The following CLSTN1 variants were observed in gnomAD, a reference collection of about 807,000 sequenced individuals.
CLSTN1 encodes calsyntenin 1.
In CLSTN1, 28 loss-of-function variants were observed where a neutral mutation model predicts 108.3. The observed-to-expected ratio is 0.26, with a 90% CI of 0.19 to 0.35. The LOEUF (loss-of-function observed/expected upper bound fraction) is 0.35, where lower values mean the gene tolerates loss of function less well. CLSTN1 is among the 10% of genes least tolerant of loss of function. The probability of loss-of-function intolerance (pLI) is 1.00; values close to 1 mark genes in which losing one functional copy is unlikely to be tolerated. For missense variants in CLSTN1, 1,157 were observed against 1,302.6 expected (o/e 0.89, Z 1.72); for synonymous variants, 524 against 534.9 (o/e 0.98, Z 0.28).
intron 10 of CLSTN1, among the ~76,000 whole-genome samples, chr1:9,740,676 A>G (rs1650934868): frequency 6.6e-6 from 1 of 152,128 alleles, no homozygotes; most frequent in Admixed American, 6.5e-5. Flanking sequence ...CAAGTGATAA[A>G]CACTCTGGAA....
In CLSTN1 at chr1:9,734,580, A is replaced by G. The variant is rs1460356025; in HGVS notation, c.2110+368T>C. On this transcript the variant is annotated intron_variant, in intron 14 of 18. Transcript: ENST00000377298. This position sits in a 1 kb window ranked among gnomAD's most constrained non-coding sequence, Gnocchi z 4.8. ...ACAGAGTGAGACTCCATCTCAAAAA[A>G]AAAAAAAAAGGGGGGGAGTTTCATG... is the stretch of plus-strand genomic sequence containing the variant. Among the ~76,000 whole-genome samples the G allele has an allele frequency of 6.6e-6, 1 of 151,848 alleles. No individual in the cohort carries two copies. The highest frequency in any genetic ancestry group is 1.5e-5 in the Non-Finnish European group (1 of 67,970).
intron 7 of CLSTN1, among the ~76,000 whole-genome samples, chr1:9,747,126 G>C (rs139615844): frequency 7.1e-6 from 1 of 140,732 alleles, no homozygotes; most frequent in East Asian, 2.3e-4. Flanking sequence ...GTTGCAGTGA[G>C]TGAGATTGCG....
rs1650408270 is a variant in CLSTN1, at chr1:9,731,747, T to G, written c.2563+14A>C. ...ATGGAGCATCTCCGCTTGGTCTCCC[T>G]CCCCATGTCCTACCTGCGAACGGGT... On this transcript the variant is annotated intron_variant, in intron 17 of 18. Coordinates refer to ENST00000377298, the MANE Select transcript of CLSTN1 (RefSeq NM_001009566.3). The G allele has an allele frequency of 6.2e-7, 1 of 1,613,938 alleles. No individual in the cohort carries two copies. Among genetic ancestry groups the G allele is most frequent in the Non-Finnish European group, 8.5e-7 (1 of 1,179,980 alleles).
intron 1 of CLSTN1, among the ~76,000 whole-genome samples, chr1:9,808,198 G>A (rs551868190): frequency 6.6e-5 from 10 of 152,282 alleles, no homozygotes; most frequent in Non-Finnish European, 1.0e-4. Flanking sequence ...TCCCATATGC[G>A]GGTGTCACAG....
rs1339046016 is a variant in CLSTN1 at position 9,795,916 on chromosome 1, C to G, written c.92-22522G>C. ...GCTGCAGTGAGCGATGATCACACTA[C>G]TGCACTCCAGCGTGAGCAACAGAAC... On this transcript the variant is annotated intron_variant, in intron 1 of 18. Transcript: ENST00000377298. Among the ~76,000 whole-genome samples, 3 of 149,342 alleles carry G rather than the reference C, an allele frequency of 2.0e-5. No homozygotes were observed. The Admixed American group carries it at 2.1e-4, about 10-fold the overall frequency.
At chr1:9,814,769 CATGGCGGTGTGCA>C (rs1230985953) in intron 1 of CLSTN1, among the ~76,000 whole-genome samples, 1 of 151,852 alleles carries the variant, frequency 6.6e-6, no homozygotes, top group Non-Finnish European at 1.5e-5. Flanking sequence ...ATTAGCCAGG[CATGGCGGTGTGCA>C]CACCTACTCA....
At chr1:9,742,477 A>C (rs532530996) in intron 9 of CLSTN1, among the ~76,000 whole-genome samples, 1 of 152,332 alleles carries the variant, frequency 6.6e-6, no homozygotes, top group South Asian at 2.1e-4. Context: ...TATAAATCTG[A>C]AATTTTCCAT....
At chr1:9,763,872 T>C (rs547092486) in intron 2 of CLSTN1, among the ~76,000 whole-genome samples, 2 of 152,244 alleles carry the variant, frequency 1.3e-5, no homozygotes, top group South Asian at 4.1e-4. Flanking sequence ...ACTCAAGCCC[T>C]GTAAACCACT....
intron 1 of CLSTN1, among the ~76,000 whole-genome samples, chr1:9,797,759 G>A (rs1654075210): frequency 6.6e-6 from 1 of 152,136 alleles, no homozygotes; most frequent in Non-Finnish European, 1.5e-5. Context: ...CGGAGAGAGA[G>A]AGGGGAGGAC....
chr1:9,792,213 CA>C (rs543161958), intron 1 of CLSTN1, among the ~76,000 whole-genome samples: 3 of 150,342 alleles, frequency 2.0e-5, no homozygotes, highest in African/African-American at 7.3e-5. Flanking sequence ...ACAACAACAA[CA>C]AAAAAAACAG....
intron 1 of CLSTN1, among the ~76,000 whole-genome samples, chr1:9,796,220 C>G (rs962247258): frequency 2.0e-5 from 3 of 148,364 alleles, no homozygotes; most frequent in Non-Finnish European, 4.4e-5. Flanking sequence ...GGAGATCATG[C>G]CACCGCACTC....
chr1:9,731,930 G>A, intron 16 of CLSTN1, 34 bp from the exon 17 acceptor site: 1 of 1,613,716 alleles, frequency 6.2e-7, no homozygotes. Context: ...GCTGGAGACA[G>A]GCATCCTGAG....
At chr1:9,783,016 AAG>A (rs796467071) in intron 1 of CLSTN1, among the ~76,000 whole-genome samples, 55 of 152,078 alleles carry the variant, frequency 3.6e-4, no homozygotes, top group African/African-American at 1.3e-3. Flanking sequence ...CAAAAAGAAA[AAG>A]AGAGAGAGAG....
intron 1 of CLSTN1, among the ~76,000 whole-genome samples, chr1:9,815,138 T>C (rs1182622958): frequency 6.6e-6 from 1 of 152,188 alleles, no homozygotes; most frequent in Non-Finnish European, 1.5e-5. Context: ...TCTCTCTTAA[T>C]GTGTGAGGTG....
At chr1:9,768,646 T>C (rs1314152396) in intron 2 of CLSTN1, among the ~76,000 whole-genome samples, 1 of 99,060 alleles carries the variant, frequency 1.0e-5, no homozygotes, top group Non-Finnish European at 1.9e-5. Context: ...CAGGGTTCTG[T>C]GTTGGGTGGT....
At chr1:9,752,194 T>TGGCATCACCTGGTCCTGATTCA (rs1553177601) in intron 4 of CLSTN1, among the ~76,000 whole-genome samples, 1 of 152,176 alleles carries the variant, frequency 6.6e-6, no homozygotes, top group Non-Finnish European at 1.5e-5. Context: ...CTGGAGTCCA[T>TGGCATCACCTGGTCCTGATTCA]GGCATCACCT....
chr1:9,743,225 C>T (rs762139864), intron 9 of CLSTN1, among the ~76,000 whole-genome samples: 1 of 152,152 alleles, frequency 6.6e-6, no homozygotes, highest in Non-Finnish European at 1.5e-5. Context: ...TCCTGTAGCA[C>T]GTGGGGTTTT....
chr1:9,744,510 G>T lies in CLSTN1; in HGVS notation c.1119C>A (p.Ile373=), dbSNP rs1415533746. ...GGCTGACCGACACGACGCCATCCGG[G>T]ATCCTCACTGCCTGGGTGCCGTTGA... ...FEFNGTQAVR[I]PDGVVSVSPK... is the part of the protein sequence containing the mutation. Residue 373 remains isoleucine (I), a synonymous_variant, in exon 8 of 19, where the codon ATC becomes ATA. Coordinates refer to ENST00000377298, the MANE Select transcript of CLSTN1 (RefSeq NM_001009566.3). 6 of 1,613,166 alleles carry T rather than the reference G, an allele frequency of 3.7e-6. No homozygotes were observed. Among genetic ancestry groups the T allele is most frequent in the Non-Finnish European group, 4.2e-6 (5 of 1,180,012 alleles).
At chr1:9,800,485 C>A (rs564955097) in intron 1 of CLSTN1, among the ~76,000 whole-genome samples, 2 of 147,940 alleles carry the variant, frequency 1.4e-5, no homozygotes, top group African/African-American at 5.0e-5. Flanking sequence ...TTTGGGAGGC[C>A]GAGACAGGAG....
Sources: allele counts gnomAD v4.1 joint callset (sites outside exome capture counted in the v4.1 genomes callset), GRCh38; gene constraint gnomAD v4.1.1; non-coding constraint Gnocchi (gnomAD v3.1); transcripts MANE v1.5; gene names NCBI Gene and HGNC (gene_info 2026-07-23, HGNC 2026-07-21).